The following RGS7 variants were observed in gnomAD, a reference collection of about 807,000 sequenced individuals.
RGS7 encodes the protein regulator of G-protein signaling 7.
In RGS7, 27 loss-of-function variants were observed where a neutral mutation model predicts 81.1. That is an observed-to-expected ratio of 0.33 (90% CI 0.25 to 0.46). The LOEUF is 0.46. Ranked by LOEUF, RGS7 falls within the 20% of genes least tolerant of loss-of-function variation. The pLI, the probability that RGS7 is intolerant of heterozygous loss-of-function variation, is 1.00. For synonymous variants in RGS7, 208 were observed against 207.7 expected (o/e 1.00, Z -0.01); for missense variants, 396 against 607.4 (o/e 0.65, Z 3.66).
At chr1:240,987,597 A>G (rs1685860624) in intron 3 of RGS7, among the ~76,000 whole-genome samples, 1 of 150,976 alleles carries the variant, frequency 6.6e-6, no homozygotes. Flanking sequence ...CAATCACCTC[A>G]TCGCAGCCTC....
At chr1:240,837,231 C>A (rs980943003) in intron 9 of RGS7, among the ~76,000 whole-genome samples, 1 of 152,186 alleles carries the variant, frequency 6.6e-6, no homozygotes, top group Non-Finnish European at 1.5e-5. Flanking sequence ...AAACAAAAGG[C>A]CTGAGGCAAG....
chr1:240,824,555 G>A (rs558933465), intron 10 of RGS7, among the ~76,000 whole-genome samples: 125 of 152,344 alleles, frequency 8.2e-4, no homozygotes, highest in African/African-American at 2.7e-3. Flanking sequence ...CACCTGCTCC[G>A]CAGATACAGA....
At chr1:240,855,192 T>C (rs921509809) in intron 9 of RGS7, among the ~76,000 whole-genome samples, 2 of 151,266 alleles carry the variant, frequency 1.3e-5, no homozygotes, top group African/African-American at 4.9e-5. Context: ...TTTTGGATGG[T>C]AGAATCATTG....
intron 3 of RGS7, among the ~76,000 whole-genome samples, chr1:241,018,826 T>C (rs2059401800): frequency 6.6e-6 from 1 of 152,146 alleles, no homozygotes; most frequent in South Asian, 2.1e-4. Context: ...TTCCTGGATG[T>C]CATATACCCT....
At chr1:241,042,259 T>C (rs763238991) in intron 3 of RGS7, among the ~76,000 whole-genome samples, 1 of 148,898 alleles carries the variant, frequency 6.7e-6, no homozygotes, top group African/African-American at 2.4e-5. Context: ...TCAGGTCATA[T>C]AAAAAGGGAT....
At chr1:240,980,732 T>C (rs1213030704) in intron 4 of RGS7, among the ~76,000 whole-genome samples, 1 of 152,226 alleles carries the variant, frequency 6.6e-6, no homozygotes. Flanking sequence ...AGAACAATCA[T>C]TAATGTTTCT....
At chr1:240,910,258 C>T (rs1330484964) in intron 6 of RGS7, among the ~76,000 whole-genome samples, 2 of 152,190 alleles carry the variant, frequency 1.3e-5, no homozygotes, top group African/African-American at 2.4e-5. Flanking sequence ...CTGTGGAACA[C>T]GGTTTGTATG....
chr1:240,919,497 G>T (rs924048145), intron 6 of RGS7, among the ~76,000 whole-genome samples: 1 of 152,048 alleles, frequency 6.6e-6, no homozygotes, highest in African/African-American at 2.4e-5. Context: ...AATACATGCA[G>T]AGAAATCATT....
chr1:240,983,752 T>C (rs1203712351), intron 3 of RGS7, among the ~76,000 whole-genome samples: 1 of 152,204 alleles, frequency 6.6e-6, no homozygotes, highest in African/African-American at 2.4e-5. Flanking sequence ...CAGTCTTTTA[T>C]TGTCGTGTTG....
chr1:241,094,579 C>T (rs922599008), intron 3 of RGS7, among the ~76,000 whole-genome samples: 2 of 151,214 alleles, frequency 1.3e-5, no homozygotes, highest in Non-Finnish European at 2.9e-5. Flanking sequence ...ACTATGGAAA[C>T]CAGGAGGTTG....
At chr1:241,342,347 G>A (rs182418781) in intron 2 of RGS7, among the ~76,000 whole-genome samples, 144 of 152,208 alleles carry the variant, frequency 9.5e-4, no homozygotes, top group African/African-American at 2.0e-3. Context: ...GATTTAGCAC[G>A]TGCTATTTTA....
At chr1:241,240,131 T>C (rs554491997) in intron 2 of RGS7, among the ~76,000 whole-genome samples, 3 of 152,236 alleles carry the variant, frequency 2.0e-5, no homozygotes, top group African/African-American at 7.2e-5. Flanking sequence ...AATGACTTAC[T>C]CAGTGTGAGA....
chr1:241,071,886 A>AAAAAAAAAAAAAAAAAAAAAG (rs2062483835), intron 3 of RGS7, among the ~76,000 whole-genome samples: 1 of 149,906 alleles, frequency 6.7e-6, no homozygotes, highest in Non-Finnish European at 1.5e-5. Context: ...AAAAAAAAAA[A>AAAAAAAAAAAAAAAAAAAAAG]AAAAAAAAAC....
intron 6 of RGS7, among the ~76,000 whole-genome samples, chr1:240,897,829 A>G (rs1669345563): frequency 6.6e-6 from 1 of 152,014 alleles, no homozygotes; most frequent in African/African-American, 2.4e-5. Context: ...TTCTTTTTCT[A>G]TTGATTGGAA....
At position 240,801,490 on chromosome 1, in the gene RGS7, G is replaced by A. The variant is rs757243485; in HGVS notation, c.1378C>T (p.Arg460Cys). Residue 460 changes from arginine (R) to cysteine (C), a missense_variant, in exon 17 of 19, where the codon CGC (arginine) becomes TGC (cysteine). Physicochemically the swap from Arg to Cys is radical, Grantham distance 180. Transcript: ENST00000440928. Reference protein sequence around the residue: ...AKKKSGNSMDRRTSFEKFAQN... With the variant: ...AKKKSGNSMDCRTSFEKFAQN... ...GCAAATTTTTCAAAAGATGTTCTGCGATCCATTGAGTTTCCAGACTTACGT... is the reference window on the plus strand; with the variant it reads ...GCAAATTTTTCAAAAGATGTTCTGCAATCCATTGAGTTTCCAGACTTACGT... 1.4e-5 allele frequency: 23 copies of A among 1,608,108 alleles called. No individual in the cohort carries two copies. Among genetic ancestry groups the A allele is most frequent in the South Asian group, 1.1e-4 (10 of 90,902 alleles).
chr1:241,179,909 T>TA (rs1396161632), intron 2 of RGS7, among the ~76,000 whole-genome samples: 1 of 152,144 alleles, frequency 6.6e-6, no homozygotes, highest in Non-Finnish European at 1.5e-5. Context: ...TTCCTGATCT[T>TA]AAAGAGTCCT....
intron 4 of RGS7, 70 bp from the exon 5 acceptor site, chr1:240,936,776 T>C (rs1484045798): frequency 8.6e-7 from 1 of 1,165,016 alleles, no homozygotes; most frequent in African/African-American, 1.5e-5. Flanking sequence ...GAATGTAACG[T>C]TTTTGTGTGG....
chr1:240,812,093 A>AT (rs759081096), intron 13 of RGS7, 50 bp from the exon 14 acceptor site: 12 of 1,608,964 alleles, frequency 7.5e-6, no homozygotes, highest in South Asian at 2.2e-5. Flanking sequence ...TAGAATTCCC[A>AT]TTTTTTTGTT....
chr1:241,326,444 A>G (rs776045687), intron 2 of RGS7, among the ~76,000 whole-genome samples: 36 of 152,204 alleles, frequency 2.4e-4, no homozygotes, highest in Non-Finnish European at 4.3e-4. Flanking sequence ...TCCGTGTATC[A>G]GTAGGCCTGT....
Sources: allele counts gnomAD v4.1 joint callset (sites outside exome capture counted in the v4.1 genomes callset), GRCh38; gene constraint gnomAD v4.1.1; transcripts MANE v1.5; gene names NCBI Gene and HGNC (gene_info 2026-07-23, HGNC 2026-07-21).